The following ITSN2 variants were observed in gnomAD, a reference collection of about 807,000 sequenced individuals.
The protein encoded by ITSN2 is intersectin-2.
Under a neutral mutation model 243.7 loss-of-function variants are expected in ITSN2, and 156 were observed. The ratio of observed to expected loss-of-function variants is 0.64; its 90% CI spans 0.56 to 0.73. The LOEUF (loss-of-function observed/expected upper bound fraction) is 0.73. ITSN2 is among the 30% of genes least tolerant of loss of function. ITSN2 has a pLI of 0.00. For missense variants in ITSN2, 1,801 were observed against 1,996.1 expected (o/e 0.90, Z 1.86); for synonymous variants, 703 against 699.9 (o/e 1.00, Z -0.07).
At chr2:24,292,418 G>C (rs917737437) in intron 15 of ITSN2, among the ~76,000 whole-genome samples, 1 of 6,674 alleles carries the variant, frequency 1.5e-4, no homozygotes, top group Non-Finnish European at 3.9e-4. Context: ...GTAGGGGTGA[G>C]GTGGGGGCTA....
chr2:24,303,655 T>C (rs1682093579), intron 9 of ITSN2, 144 bp downstream of exon 9: 1 of 633,798 alleles, frequency 1.6e-6, no homozygotes, highest in East Asian at 2.7e-5. Context: ...AGCTTAATAC[T>C]AACTTTCAAA....
rs550257639 is a variant in ITSN2 at position 24,308,852 on chromosome 2, G to A, written c.654-96C>T. The A allele has an allele frequency of 3.6e-5, 30 of 823,422 alleles. No homozygotes were observed. The South Asian group carries it at 5.1e-4, about 14-fold the overall frequency. 51.0% of individuals were successfully genotyped at this position (823,422 alleles called of 1,614,324 possible). On this transcript the variant is annotated intron_variant, in intron 7 of 39. Coordinates refer to ENST00000355123, the MANE Select transcript of ITSN2 (RefSeq NM_006277.3). ...AGGCATTAAGAATCTTATATACCAG[G>A]GGTCCTGAACCCCCGGGCCACCGAC...
intron 29 of ITSN2, among the ~76,000 whole-genome samples, chr2:24,222,863 A>G (rs530329651): frequency 6.6e-6 from 1 of 151,824 alleles, no homozygotes; most frequent in East Asian, 1.9e-4. Context: ...TTTAGTAGAG[A>G]TGGGGTTTCA....
At chr2:24,276,739 A>G (rs1295946138) in intron 17 of ITSN2, among the ~76,000 whole-genome samples, 2 of 152,220 alleles carry the variant, frequency 1.3e-5, no homozygotes, top group African/African-American at 2.4e-5. Context: ...CTAAACAATC[A>G]CAGCACCTTA....
At chr2:24,295,569 A>AC in intron 14 of ITSN2, 95 bp downstream of exon 14, 1 of 979,672 alleles carries the variant, frequency 1.0e-6, no homozygotes, top group Non-Finnish European at 1.4e-6. Context: ...TCAGCCTCCC[A>AC]AAGTGCTAGC....
intron 19 of ITSN2, among the ~76,000 whole-genome samples, 155 bp from the exon 20 acceptor site, chr2:24,270,923 G>T (rs1418686780): frequency 6.6e-6 from 1 of 152,140 alleles, no homozygotes; most frequent in Non-Finnish European, 1.5e-5. Flanking sequence ...TCAGTATCTT[G>T]ACTAGTCATC....
At chr2:24,323,220 T>C (rs1684787873) in intron 2 of ITSN2, among the ~76,000 whole-genome samples, 1 of 152,004 alleles carries the variant, frequency 6.6e-6, no homozygotes, top group Non-Finnish European at 1.5e-5. Flanking sequence ...CAAAAGACTC[T>C]TGGGTAAATA....
chr2:24,217,960 G>A lies in ITSN2; in HGVS notation c.3753C>T (p.Ala1251=), dbSNP rs1220208620. 1 of 1,613,908 alleles carries A rather than the reference G, an allele frequency of 6.2e-7. No homozygotes were observed. Among genetic ancestry groups the A allele is most frequent in the Non-Finnish European group, 8.5e-7 (1 of 1,180,010 alleles). ...ESGFLTEGEM[A]LIFVNWKELI... ...GCTCCTTCCAGTTAACAAAAATCAG[G>A]GCCATCTCCCCTTCAGTGAGAAAGC... Residue 1251 remains alanine (A), a synonymous_variant, in exon 31 of 40, where the codon GCC becomes GCT. Transcript: ENST00000355123.
chr2:24,288,745 T>C (rs116747784), intron 15 of ITSN2, among the ~76,000 whole-genome samples: 1,583 of 152,278 alleles, frequency 0.01, 15 homozygotes, highest in Non-Finnish European at 0.017. Context: ...AGTCACCAGG[T>C]TGTACAATAG....
chr2:24,313,495 T>C lies in ITSN2; in HGVS notation c.153A>G (p.Gln51=), dbSNP rs780930036. Residue 51 remains glutamine (Q), a synonymous_variant, in exon 4 of 40, where the codon CAA becomes CAG. Transcript: ENST00000355123. ...CTAAAACAGGGGCCGGCAGACCTGATTGTAGGAAAAAATTACGTGCTTGAT... is the reference window on the plus strand; with the variant it reads ...CTAAAACAGGGGCCGGCAGACCTGACTGTAGGAAAAAATTACGTGCTTGAT... ...TGDQARNFFL[Q]SGLPAPVLAE... 1.9e-5 allele frequency: 30 copies of C among 1,613,314 alleles called. No homozygotes were observed. The highest frequency in any genetic ancestry group is 1.2e-4 in the Admixed American group (7 of 59,974).
intron 7 of ITSN2, chr2:24,309,005 G>A (rs1027220838): frequency 2.3e-6 from 1 of 436,814 alleles, no homozygotes; most frequent in Admixed American, 2.6e-5. Flanking sequence ...ACCCTATTGT[G>A]AATGGCACAT....
At position 24,293,710 on chromosome 2, in the gene ITSN2, G is replaced by A. The variant is rs61754186; in HGVS notation, c.1701C>T (p.Asn567=). 4.5e-3 allele frequency: 5,553 copies of A among 1,228,370 alleles called. 21 individuals carry two copies. The highest frequency in any genetic ancestry group is 5.5e-3 in the Non-Finnish European group (4,779 of 868,832). 76.1% of individuals were successfully genotyped at this position (1,228,370 alleles called of 1,614,324 possible). Reference sequence around the variant, plus strand: ...TACCAGGTGTGTTACTGAACTGCATGTTTTTAATTCTTTCATTTAATAATT... The same window carrying A: ...TACCAGGTGTGTTACTGAACTGCATATTTTTAATTCTTTCATTTAATAATT... ...EKQLLNERIK[N]MQFSNTPDSG... is the part of the protein sequence containing the mutation. Residue 567 remains asparagine (N), a synonymous_variant, in exon 15 of 40, where the codon AAC becomes AAT. Coordinates refer to ENST00000355123, the MANE Select transcript of ITSN2 (RefSeq NM_006277.3).
At chr2:24,222,205 T>A (rs1387101691) in intron 29 of ITSN2, among the ~76,000 whole-genome samples, 1 of 125,446 alleles carries the variant, frequency 8.0e-6, no homozygotes, top group Non-Finnish European at 1.5e-5. Flanking sequence ...TGAGCCGAGA[T>A]CGCACCACTG....
chr2:24,322,431 C>G lies in ITSN2; in HGVS notation c.31+5621G>C, dbSNP rs1182008865. 3.3e-5 allele frequency among the ~76,000 whole-genome samples: 5 copies of G among 152,250 alleles called. No individual in the cohort carries two copies. In the East Asian group the frequency reaches 5.8e-4, roughly 18 times the overall value. ...TCTTGTTGGTAATTAAACATAAATA[C>G]ACTCACAAATATATTGTCCATTGAT... is the stretch of plus-strand genomic sequence containing the variant. On this transcript the variant is annotated intron_variant, in intron 2 of 39. Transcript: ENST00000355123.
At chr2:24,245,780 A>C (rs1032055632) in intron 29 of ITSN2, among the ~76,000 whole-genome samples, 3 of 152,114 alleles carry the variant, frequency 2.0e-5, no homozygotes, top group African/African-American at 7.2e-5. Context: ...GCGCCCAGCC[A>C]CTAGCTACTT....
At chr2:24,210,456 A>G (rs1214275449) in intron 34 of ITSN2, 1 of 287,580 alleles carries the variant, frequency 3.5e-6, no homozygotes, top group Non-Finnish European at 6.5e-6. Flanking sequence ...TACTAAAAAT[A>G]CGAAAATTAG....
intron 15 of ITSN2, 144 bp downstream of exon 15, chr2:24,293,544 C>T: frequency 2.4e-6 from 1 of 417,732 alleles, no homozygotes; most frequent in Non-Finnish European, 4.3e-6. Context: ...GGATATTTTT[C>T]ACTTTATTTT....
intron 5 of ITSN2, chr2:24,311,513 C>CAGA (rs1411657518): frequency 6.0e-6 from 1 of 166,894 alleles, no homozygotes; most frequent in Non-Finnish European, 1.5e-5. Flanking sequence ...CCCAAGCAGC[C>CAGA]AGAACTACAG....
intron 23 of ITSN2, 58 bp downstream of exon 23, chr2:24,257,830 G>T: frequency 8.0e-7 from 1 of 1,247,802 alleles, no homozygotes; most frequent in Non-Finnish European, 1.2e-6. Flanking sequence ...GACCATGGCT[G>T]ACTCATTAGT....
Sources: gnomAD v4.1 joint callset for allele counts (sites outside exome capture counted in the v4.1 genomes callset) on GRCh38, gnomAD v4.1.1 for gene constraint, MANE v1.5 for transcripts, NCBI Gene and HGNC (gene_info 2026-07-23, HGNC 2026-07-21) for gene names.